Variants in PBX3 observed in about 807,000 individuals in gnomAD.
PBX3 encodes the protein pre-B-cell leukemia transcription factor 3.
A neutral mutation model predicts 48.5 loss-of-function variants in PBX3; 14 were observed. That is an observed-to-expected ratio of 0.29 (90% CI 0.19 to 0.45). The LOEUF (loss-of-function observed/expected upper bound fraction) is 0.45. Among genes scored for constraint, PBX3 ranks in the 20% least tolerant of loss-of-function variants. The pLI, the probability that PBX3 is intolerant of heterozygous loss-of-function variation, is 1.00. For missense variants in PBX3, 386 were observed against 546.7 expected (o/e 0.71, Z 2.93); for synonymous variants, 210 against 200.3 (o/e 1.05, Z -0.41).
chr9:125,876,960 G>A (rs1187434632), intron 2 of PBX3, among the ~76,000 whole-genome samples: 3 of 152,122 alleles, frequency 2.0e-5, no homozygotes, highest in African/African-American at 7.2e-5. Context: ...TTTTAGTAGA[G>A]ACGGGGTTTC....
At chr9:125,789,739 G>T (rs1837548866) in intron 2 of PBX3, among the ~76,000 whole-genome samples, 1 of 152,058 alleles carries the variant, frequency 6.6e-6, no homozygotes, top group South Asian at 2.1e-4. Flanking sequence ...CTTCTTAGAG[G>T]CTGCCTACCA....
chr9:125,778,600 C>G (rs1588136547), intron 2 of PBX3, among the ~76,000 whole-genome samples: 1 of 81,102 alleles, frequency 1.2e-5, no homozygotes, highest in South Asian at 4.4e-4. Context: ...TTTTGTTGAT[C>G]TTTTCTTTTT....
intron 2 of PBX3, among the ~76,000 whole-genome samples, chr9:125,756,872 T>C (rs547305045): frequency 6.6e-6 from 1 of 152,350 alleles, no homozygotes; most frequent in South Asian, 2.1e-4. Flanking sequence ...CTTTAAATTC[T>C]CACTCCCTTC....
intron 3 of PBX3, among the ~76,000 whole-genome samples, chr9:125,918,407 A>G (rs563779262): frequency 2.0e-5 from 3 of 152,302 alleles, no homozygotes; most frequent in African/African-American, 7.2e-5. Flanking sequence ...TGGCTTTTAA[A>G]ATATACATGT....
At chr9:125,953,701 G>A (rs536164103) in intron 5 of PBX3, among the ~76,000 whole-genome samples, 1 of 152,300 alleles carries the variant, frequency 6.6e-6, no homozygotes, top group Non-Finnish European at 1.5e-5. Flanking sequence ...TGTTGTCTGT[G>A]TAGCTACAAA....
At chr9:125,805,843 A>C (rs907363374) in intron 2 of PBX3, among the ~76,000 whole-genome samples, 3 of 152,334 alleles carry the variant, frequency 2.0e-5, no homozygotes, top group Non-Finnish European at 4.4e-5. Context: ...TAGTTTATTC[A>C]AGAAATATTT....
At chr9:125,911,791 A>G (rs1841209407) in intron 2 of PBX3, among the ~76,000 whole-genome samples, 1 of 152,192 alleles carries the variant, frequency 6.6e-6, no homozygotes, top group African/African-American at 2.4e-5. Context: ...TCAAGTTTCC[A>G]TAATAGCTTT....
At chr9:125,758,124 T>A (rs1427225529) in intron 2 of PBX3, among the ~76,000 whole-genome samples, 1 of 152,194 alleles carries the variant, frequency 6.6e-6, no homozygotes, top group Non-Finnish European at 1.5e-5. Context: ...AGATACTGAA[T>A]GCCTGAAAAT....
chr9:125,899,452 TATAGAG>T (rs1473552710), intron 2 of PBX3, among the ~76,000 whole-genome samples: 6,848 of 89,036 alleles, frequency 0.077, 689 homozygotes, highest in African/African-American at 0.18. Context: ...TATATATATA[TATAGAG>T]AGAGAGAGAG....
intron 2 of PBX3, among the ~76,000 whole-genome samples, chr9:125,868,694 A>T (rs1231539947): frequency 6.6e-6 from 1 of 152,220 alleles, no homozygotes; most frequent in East Asian, 1.9e-4. Flanking sequence ...CACAGAGTGA[A>T]CTTGCCCATG....
intron 2 of PBX3, among the ~76,000 whole-genome samples, chr9:125,906,574 C>T (rs1259718500): frequency 6.6e-6 from 1 of 151,948 alleles, no homozygotes; most frequent in African/African-American, 2.4e-5. Flanking sequence ...AGGGTTCTTG[C>T]TCCCATGAGG....
Position 125,916,724 on chromosome 9 carries a change from AG to A in PBX3, c.516+798del, listed in dbSNP as rs1381696685. ...GAGAGTCTTAGATTTAATGTAATAA[AG>A]TAAAATATTGGTGGGTCTTTTTACA... On this transcript the variant is annotated intron_variant, in intron 3 of 8. Coordinates refer to ENST00000373489, the MANE Select transcript of PBX3 (RefSeq NM_006195.6). Among the ~76,000 whole-genome samples the A allele has an allele frequency of 2.6e-5, 4 of 152,248 alleles. No individual in the cohort carries two copies. In the East Asian group the frequency reaches 7.7e-4, roughly 29 times the overall value.
chr9:125,885,662 C>T (rs1840482506), intron 2 of PBX3, among the ~76,000 whole-genome samples: 1 of 152,062 alleles, frequency 6.6e-6, no homozygotes, highest in Non-Finnish European at 1.5e-5. Context: ...AGAGAATGTT[C>T]TCCCTGGAAA....
At chr9:125,872,639 AC>A (rs1840152596) in intron 2 of PBX3, among the ~76,000 whole-genome samples, 1 of 151,758 alleles carries the variant, frequency 6.6e-6, no homozygotes. Flanking sequence ...ACACACCTGT[AC>A]TCCTAGCTAC....
In PBX3 at chr9:125,788,404, A is replaced by G. The variant is rs963620066; in HGVS notation, c.274+39781A>G. On this transcript the variant is annotated intron_variant, in intron 2 of 8. Coordinates refer to ENST00000373489, the MANE Select transcript of PBX3 (RefSeq NM_006195.6). ...GTGGGAAGGACATATCCCAAAACCC[A>G]TTGGGATGGGCAAGAAAATATCAGA... Among the ~76,000 whole-genome samples, 5 of 152,220 alleles carry G rather than the reference A, an allele frequency of 3.3e-5. No individual in the cohort carries two copies. The East Asian group carries it at 9.6e-4, about 29-fold the overall frequency.
intron 2 of PBX3, among the ~76,000 whole-genome samples, chr9:125,897,241 G>A (rs183761955): frequency 6.8e-6 from 1 of 146,142 alleles, no homozygotes; most frequent in African/African-American, 2.5e-5. Context: ...TTGCAGATTA[G>A]CATTGGAATG....
intron 2 of PBX3, among the ~76,000 whole-genome samples, chr9:125,812,981 G>A (rs1838337977): frequency 6.6e-6 from 1 of 152,180 alleles, no homozygotes; most frequent in Admixed American, 6.5e-5. Context: ...GTGAGTGAAT[G>A]TTTAGGCCTA....
chr9:125,797,457 C>T (rs1278358412), intron 2 of PBX3: 2 of 152,176 alleles, frequency 1.3e-5, no homozygotes, highest in Admixed American at 6.5e-5. Context: ...TACTTTACCT[C>T]TACTCAAGGT....
intron 2 of PBX3, among the ~76,000 whole-genome samples, chr9:125,885,832 A>T (rs1203327628): frequency 1.3e-5 from 2 of 151,788 alleles, no homozygotes; most frequent in Non-Finnish European, 1.5e-5. Flanking sequence ...GTTTTACAGC[A>T]ATAAGTGTTT....
Sources: gnomAD v4.1 joint callset for allele counts (sites outside exome capture counted in the v4.1 genomes callset) on GRCh38, gnomAD v4.1.1 for gene constraint, MANE v1.5 for transcripts, NCBI Gene and HGNC (gene_info 2026-07-23, HGNC 2026-07-21) for gene names.